The following RBMS1 variants were observed in gnomAD, a reference collection of about 807,000 sequenced individuals.
RBMS1 encodes the protein RNA binding motif single stranded interacting protein 1.
Under a neutral mutation model 62.3 loss-of-function variants are expected in RBMS1, and 17 were observed. The observed-to-expected ratio is 0.27, with a 90% CI of 0.19 to 0.41. The LOEUF (loss-of-function observed/expected upper bound fraction) is 0.41, where lower values mean the gene tolerates loss of function less well. Among genes scored for constraint, RBMS1 ranks in the 10% least tolerant of loss-of-function variants. RBMS1 has a pLI of 1.00. For synonymous variants in RBMS1, 172 were observed against 170.0 expected, an observed-to-expected ratio of 1.01 and a Z score of -0.09; for missense variants, 334 against 504.5, an observed-to-expected ratio of 0.66 and a Z score of 3.24.
At chr2:160,363,919 A>G (rs1693262950) in intron 2 of RBMS1, among the ~76,000 whole-genome samples, 1 of 152,156 alleles carries the variant, frequency 6.6e-6, no homozygotes, top group African/African-American at 2.4e-5. Context: ...AAAAAAAGCT[A>G]GGGAAAATAA....
intron 1 of RBMS1, chr2:160,493,086 G>C: frequency 1.9e-6 from 1 of 525,908 alleles, no homozygotes; most frequent in Non-Finnish European, 3.3e-6. Flanking sequence ...TCTGTAACCC[G>C]ATCCCCGCAC....
chr2:160,408,866 T>A (rs1298527080), intron 1 of RBMS1, among the ~76,000 whole-genome samples: 1 of 152,214 alleles, frequency 6.6e-6, no homozygotes, highest in Non-Finnish European at 1.5e-5. Flanking sequence ...GGGCTTGCCA[T>A]CCTTCACATT....
At position 160,493,458 on chromosome 2, in the gene RBMS1, A is replaced by AGCGGCGGCG. The variant is rs1200874502; in HGVS notation, c.-104_-96dup. ...CCTCTCCCTTTCCGGCGGCGGCGGC[A>AGCGGCGGCG]GCGGCGGCGGCGGCGGCGGCTGCTG... On this transcript the variant is annotated 5_prime_UTR_variant, in exon 1 of 14. Coordinates refer to ENST00000348849, the MANE Select transcript of RBMS1 (RefSeq NM_016836.4). 28 of 1,219,502 alleles carry AGCGGCGGCG rather than the reference A, an allele frequency of 2.3e-5. No homozygotes were observed. The highest frequency in any genetic ancestry group is 3.7e-5 in the South Asian group (3 of 80,188). 75.5% of individuals were successfully genotyped at this position (1,219,502 alleles called of 1,614,324 possible). A position where few individuals can be genotyped will look rare whatever the true frequency, so the allele number is the denominator to read the frequency against.
intron 1 of RBMS1, among the ~76,000 whole-genome samples, chr2:160,492,317 A>AT (rs1336703788): frequency 6.6e-6 from 1 of 152,056 alleles, no homozygotes; most frequent in Non-Finnish European, 1.5e-5. Flanking sequence ...GGCCCAAATA[A>AT]TTTTTTTAAA....
intron 2 of RBMS1, among the ~76,000 whole-genome samples, chr2:160,363,769 A>T (rs893945411): frequency 6.6e-6 from 1 of 152,196 alleles, no homozygotes; most frequent in Non-Finnish European, 1.5e-5. Flanking sequence ...TAAAACAAAT[A>T]AAATATTCAA....
chr2:160,399,206 C>T (rs1450538769), intron 1 of RBMS1, among the ~76,000 whole-genome samples: 2 of 152,222 alleles, frequency 1.3e-5, no homozygotes, highest in African/African-American at 2.4e-5. Flanking sequence ...TCTTCTCCCT[C>T]TCCTTCCAAA....
At chr2:160,344,075 T>C (rs1692040195) in intron 2 of RBMS1, among the ~76,000 whole-genome samples, 1 of 152,138 alleles carries the variant, frequency 6.6e-6, no homozygotes, top group Non-Finnish European at 1.5e-5. Flanking sequence ...TCTGAACAAC[T>C]TGTCATTAGG....
intron 1 of RBMS1, among the ~76,000 whole-genome samples, chr2:160,440,451 A>C (rs904585513): frequency 3.3e-5 from 5 of 152,120 alleles, no homozygotes; most frequent in African/African-American, 4.8e-5. Context: ...TTGACTCCCA[A>C]GCTGAAGAAC....
intron 2 of RBMS1, among the ~76,000 whole-genome samples, chr2:160,361,024 G>A (rs13008416): frequency 0.18 from 27,803 of 152,140 alleles, 3,294 homozygotes; most frequent in Admixed American, 0.36. Flanking sequence ...CATATCATAA[G>A]CTAGATTTAA....
At position 160,362,357 on chromosome 2, in the gene RBMS1, T is replaced by C. The variant is rs1463832632; in HGVS notation, c.251+4859A>G. Among the ~76,000 whole-genome samples, 3 of 152,224 alleles carry C rather than the reference T, an allele frequency of 2.0e-5. No homozygotes were observed. The East Asian group carries it at 5.8e-4, about 29-fold the overall frequency. On this transcript the variant is annotated intron_variant, in intron 2 of 13. Transcript: ENST00000348849. ...TCGGCATTTGGCATGCCTTTCTCACTAAGCTTAATTTTGATTTTAAAAGGT... is the reference window on the plus strand; with the variant it reads ...TCGGCATTTGGCATGCCTTTCTCACCAAGCTTAATTTTGATTTTAAAAGGT...
At chr2:160,468,910 G>T (rs1320368225) in intron 1 of RBMS1, among the ~76,000 whole-genome samples, 2 of 152,132 alleles carry the variant, frequency 1.3e-5, no homozygotes, top group East Asian at 1.9e-4. Context: ...CATGGATAGG[G>T]CTACCTGTGT....
intron 1 of RBMS1, among the ~76,000 whole-genome samples, chr2:160,452,774 C>T (rs1310060986): frequency 6.6e-6 from 1 of 152,184 alleles, no homozygotes; most frequent in Non-Finnish European, 1.5e-5. Context: ...GTACTACCTG[C>T]TCTCACAGGG....
chr2:160,438,467 G>C (rs376445414), intron 1 of RBMS1, among the ~76,000 whole-genome samples: 14 of 151,856 alleles, frequency 9.2e-5, no homozygotes, highest in Admixed American at 6.6e-5. Flanking sequence ...GACTCTTAAC[G>C]AGCATGCTGC....
At chr2:160,471,418 T>C (rs1684904976) in intron 1 of RBMS1, among the ~76,000 whole-genome samples, 1 of 151,916 alleles carries the variant, frequency 6.6e-6, no homozygotes, top group Admixed American at 6.6e-5. Flanking sequence ...TAGAAAAATA[T>C]TAATTTAAAG....
intron 1 of RBMS1, among the ~76,000 whole-genome samples, chr2:160,424,656 T>C (rs986543049): frequency 7.2e-5 from 11 of 152,158 alleles, no homozygotes; most frequent in Admixed American, 6.6e-4. Flanking sequence ...AGTTAAAAAC[T>C]TTATATGATT....
chr2:160,309,548 T>C (rs1320302713), intron 4 of RBMS1, among the ~76,000 whole-genome samples: 1 of 152,156 alleles, frequency 6.6e-6, no homozygotes, highest in Non-Finnish European at 1.5e-5. Flanking sequence ...GGGCTGAAGA[T>C]AGACCATTAG....
At chr2:160,353,485 C>A (rs1260452368) in intron 2 of RBMS1, among the ~76,000 whole-genome samples, 5 of 152,140 alleles carry the variant, frequency 3.3e-5, no homozygotes, top group Non-Finnish European at 4.4e-5. Flanking sequence ...AACTCCAAAT[C>A]CTTCATACAA....
chr2:160,406,980 TC>T (rs1695752110), intron 1 of RBMS1, among the ~76,000 whole-genome samples: 1 of 152,062 alleles, frequency 6.6e-6, no homozygotes, highest in Non-Finnish European at 1.5e-5. Flanking sequence ...TCTTTTTTTT[TC>T]TTTAAATGAG....
intron 1 of RBMS1, among the ~76,000 whole-genome samples, chr2:160,468,635 T>C (rs1684794177): frequency 6.6e-6 from 1 of 151,412 alleles, no homozygotes; most frequent in African/African-American, 2.4e-5. Flanking sequence ...TTTGATCATT[T>C]GGTTAAAATG....
Sources: allele counts gnomAD v4.1 joint callset (sites outside exome capture counted in the v4.1 genomes callset), GRCh38; gene constraint gnomAD v4.1.1; transcripts MANE v1.5; gene names NCBI Gene and HGNC (gene_info 2026-07-23, HGNC 2026-07-21).